The following YLPM1 variants were observed in gnomAD, a reference collection of about 807,000 sequenced individuals.
The protein encoded by YLPM1 is YLP motif-containing protein 1.
In YLPM1, 99 loss-of-function variants were observed where a neutral mutation model predicts 230.0. The ratio of observed to expected loss-of-function variants is 0.43; its 90% CI spans 0.37 to 0.51. The LOEUF (loss-of-function observed/expected upper bound fraction) is 0.51. Ranked by LOEUF, YLPM1 falls within the 20% of genes least tolerant of loss-of-function variation. The probability of loss-of-function intolerance (pLI) is 0.00; values close to 1 mark genes in which losing one functional copy is unlikely to be tolerated. For missense variants in YLPM1, 2,592 were observed against 2,707.7 expected (o/e 0.96, Z 0.95); for synonymous variants, 984 against 942.5 (o/e 1.04, Z -0.81).
At chr14:74,774,029 T>C (rs532937568) in intron 1 of YLPM1, among the ~76,000 whole-genome samples, 1 of 152,244 alleles carries the variant, frequency 6.6e-6, no homozygotes, top group East Asian at 1.9e-4. Flanking sequence ...CCAAGTGTGC[T>C]GTTTTCTTAC....
At chr14:74,770,771 A>C (rs1192052393) in intron 1 of YLPM1, among the ~76,000 whole-genome samples, 1 of 152,248 alleles carries the variant, frequency 6.6e-6, no homozygotes, top group Non-Finnish European at 1.5e-5. Context: ...TTCTAAGGGC[A>C]GTTGGAAGCC....
chr14:74,805,402 G>A (rs1181942491), intron 6 of YLPM1, among the ~76,000 whole-genome samples: 1 of 151,702 alleles, frequency 6.6e-6, no homozygotes, highest in East Asian at 1.9e-4. Flanking sequence ...GGAATACAGT[G>A]GTACAATCAT....
chr14:74,818,675 A>G (rs1412225200), intron 16 of YLPM1, among the ~76,000 whole-genome samples: 1 of 152,216 alleles, frequency 6.6e-6, no homozygotes, highest in Non-Finnish European at 1.5e-5. Context: ...TTGATAAAAT[A>G]CTATATTAAG....
chr14:74,777,849 C>T (rs2140083252), intron 1 of YLPM1, among the ~76,000 whole-genome samples: 1 of 151,998 alleles, frequency 6.6e-6, no homozygotes, highest in East Asian at 1.9e-4. Context: ...ATGGTGCATG[C>T]CTACGAACCC....
At chr14:74,766,605 G>T (rs902781716) in intron 1 of YLPM1, among the ~76,000 whole-genome samples, 1 of 151,574 alleles carries the variant, frequency 6.6e-6, no homozygotes, top group Non-Finnish European at 1.5e-5. Context: ...CAAGTAGCTG[G>T]GACTACAGGT....
At chr14:74,779,641 C>CTT (rs10715703) in intron 2 of YLPM1, among the ~76,000 whole-genome samples, 15 of 140,382 alleles carry the variant, frequency 1.1e-4, no homozygotes, top group Non-Finnish European at 1.8e-4. Flanking sequence ...TTAAGGTTCA[C>CTT]TTTTTTTTTT....
intron 5 of YLPM1, among the ~76,000 whole-genome samples, chr14:74,800,676 T>C (rs1167712437): frequency 1.3e-5 from 2 of 152,188 alleles, no homozygotes; most frequent in South Asian, 2.1e-4. Context: ...GAAAAGGTAA[T>C]GATGAAAGAC....
At chr14:74,785,827 A>T (rs980772658) in intron 4 of YLPM1, among the ~76,000 whole-genome samples, 11 of 152,196 alleles carry the variant, frequency 7.2e-5, no homozygotes, top group African/African-American at 2.7e-4. Flanking sequence ...TCATGTGACA[A>T]AACTGCATGA....
chr14:74,766,967 T>C (rs2090918388), intron 1 of YLPM1, among the ~76,000 whole-genome samples: 1 of 148,124 alleles, frequency 6.8e-6, no homozygotes, highest in Non-Finnish European at 1.5e-5. Context: ...CATTGCAACC[T>C]CTGCCTCCCG....
chr14:74,778,609 CCTT>C lies in YLPM1; in HGVS notation c.1042_1044del (p.Ser348del), dbSNP rs747973321. ...TGCCACCAGTCAAGTTCCAGAATCT[CCTT>C]CTTCTGAGGAGCCCCCATTGCCACC... On this transcript the variant is annotated inframe_deletion, in exon 2 of 21. Coordinates refer to ENST00000325680, the MANE Select transcript of YLPM1 (RefSeq NM_019589.3). 6.6e-5 allele frequency: 106 copies of C among 1,597,524 alleles called. No individual in the cohort carries two copies. The highest frequency in any genetic ancestry group is 7.8e-5 in the Non-Finnish European group (92 of 1,172,400).
intron 1 of YLPM1, among the ~76,000 whole-genome samples, chr14:74,767,360 G>T (rs2090922273): frequency 6.6e-6 from 1 of 152,148 alleles, no homozygotes; most frequent in African/African-American, 2.4e-5. Context: ...CAGTGTTGTT[G>T]TTTTCTGTCC....
chr14:74,798,418 C>A lies in YLPM1; in HGVS notation c.3121C>A (p.Arg1041Ser). ...TRDKGLVNRG[R>S]GQAISRGPGL... is the part of the protein sequence containing the mutation. Reference sequence around the variant, plus strand: ...GGATAAAGGTCTAGTAAACAGAGGTCGCGGCCAGGCAATCAGTCGAGGCCC... The same window carrying A: ...GGATAAAGGTCTAGTAAACAGAGGTAGCGGCCAGGCAATCAGTCGAGGCCC... Residue 1041 changes from arginine to serine, a missense_variant, in exon 5 of 21, where the codon CGC (arginine) becomes AGC (serine). Arg to Ser is a moderately radical substitution (Grantham distance 110). This residue lies in a region of YLPM1 where 1,862 missense variants were observed against 1,819.8 expected (regional missense o/e 1.02). Coordinates refer to ENST00000325680, the MANE Select transcript of YLPM1 (RefSeq NM_019589.3). 1 of 1,613,848 alleles carries A rather than the reference C, an allele frequency of 6.2e-7. No individual in the cohort carries two copies. Among genetic ancestry groups the A allele is most frequent in the Non-Finnish European group, 8.5e-7 (1 of 1,179,886 alleles).
intron 5 of YLPM1, among the ~76,000 whole-genome samples, chr14:74,801,992 G>A (rs545775099): frequency 1.3e-5 from 2 of 152,048 alleles, no homozygotes; most frequent in East Asian, 1.9e-4. Context: ...TGAGGCAGGC[G>A]GATCATGAGG....
chr14:74,777,536 C>T (rs958877828), intron 1 of YLPM1, among the ~76,000 whole-genome samples: 2 of 151,088 alleles, frequency 1.3e-5, no homozygotes, highest in African/African-American at 2.4e-5. Context: ...CACTGCACTC[C>T]AGCCTGGGTG....
rs754273581 is a variant in YLPM1 at position 74,810,228 on chromosome 14, A to G, written c.5036A>G (p.His1679Arg). ...TTTGTACTAATTGTTTTTGTAGAGCATGCAGGCCAACGTGATCGTTATGAT... is the reference window on the plus strand; with the variant it reads ...TTTGTACTAATTGTTTTTGTAGAGCGTGCAGGCCAACGTGATCGTTATGAT... ...LPERSTFETE[H>R]AGQRDRYDRE... The change falls in exon 9 of 21, where the codon CAT becomes CGT. Residue 1679 changes from histidine to arginine, a missense_variant. Transcript: ENST00000325680. The G allele has an allele frequency of 2.5e-6, 4 of 1,613,556 alleles. No homozygotes were observed. Among genetic ancestry groups the G allele is most frequent in the South Asian group, 1.1e-5 (1 of 91,024 alleles).
intron 19 of YLPM1, among the ~76,000 whole-genome samples, chr14:74,832,273 G>A (rs969265501): frequency 1.8e-4 from 27 of 152,210 alleles, no homozygotes; most frequent in East Asian, 9.6e-4. Context: ...TTAGTGGTTC[G>A]GTAATCATTT....
chr14:74,775,543 A>G (rs1295828158), intron 1 of YLPM1, among the ~76,000 whole-genome samples: 1 of 152,220 alleles, frequency 6.6e-6, no homozygotes, highest in Non-Finnish European at 1.5e-5. Context: ...ACAGGAACCA[A>G]AAGTTTATTG....
intron 5 of YLPM1, among the ~76,000 whole-genome samples, 178 bp downstream of exon 5, chr14:74,799,875 T>C (rs960431367): frequency 6.6e-6 from 1 of 152,226 alleles, no homozygotes; most frequent in African/African-American, 2.4e-5. Context: ...ATTTAGGAAC[T>C]GTGTTAATGA....
At position 74,836,882 on chromosome 14, in the gene YLPM1, G is replaced by A. The variant is rs557391555; in HGVS notation, c.*1144G>A. The stretch of plus-strand genomic sequence containing the variant: ...TATTTCTATGTAAACACAGAAAAGG[G>A]ACTCTTCCCTTTTTCATCCTGCAAA... On this transcript the variant is annotated 3_prime_UTR_variant, in exon 21 of 21. Transcript: ENST00000325680. The A allele has an allele frequency of 2.9e-4, 45 of 152,556 alleles. No individual in the cohort carries two copies. The highest frequency in any genetic ancestry group is 1.1e-3 in the African/African-American group (45 of 41,542). The allele number at this position is 152,556 out of a possible 1,614,324, so 9.5% of individuals were successfully genotyped here.
Sources: gnomAD v4.1 joint callset for allele counts (sites outside exome capture counted in the v4.1 genomes callset) on GRCh38, gnomAD v4.1.1 for gene constraint, gnomAD v4.1.1 regional missense constraint, MANE v1.5 for transcripts, NCBI Gene and HGNC (gene_info 2026-07-23, HGNC 2026-07-21) for gene names.